The following UBR2 variants were observed in gnomAD, a reference collection of about 807,000 sequenced individuals.
UBR2 encodes E3 ubiquitin-protein ligase UBR2.
UBR2 carries 92 observed loss-of-function variants against 247.9 expected under a neutral mutation model. The observed-to-expected ratio is 0.37, with a 90% CI of 0.31 to 0.44. UBR2 has a LOEUF of 0.44. Among genes scored for constraint, UBR2 ranks in the 20% least tolerant of loss-of-function variants. UBR2 has a pLI of 1.00. For missense variants in UBR2, 1,613 were observed against 2,112.6 expected, an observed-to-expected ratio of 0.76 and a Z score of 4.64; for synonymous variants, 672 against 693.5, an observed-to-expected ratio of 0.97 and a Z score of 0.49.
At chr6:42,605,395 T>C (rs1313711198) in intron 5 of UBR2, among the ~76,000 whole-genome samples, 1 of 152,148 alleles carries the variant, frequency 6.6e-6, no homozygotes, top group African/African-American at 2.4e-5. Context: ...TGGAGGGGAA[T>C]TGCCCCCAGT....
chr6:42,671,296 A>G (rs1030499735), intron 36 of UBR2, among the ~76,000 whole-genome samples: 3 of 151,910 alleles, frequency 2.0e-5, no homozygotes, highest in Non-Finnish European at 4.4e-5. Flanking sequence ...TGTGGTCCCA[A>G]CTACTTAAGA....
At chr6:42,687,238 C>T (rs1189185503) in intron 44 of UBR2, among the ~76,000 whole-genome samples, 1 of 152,232 alleles carries the variant, frequency 6.6e-6, no homozygotes, top group South Asian at 2.1e-4. Flanking sequence ...ATCCTGGCAC[C>T]TCGGGAGGCC....
At chr6:42,641,456 A>G (rs1796441014) in intron 16 of UBR2, 126 bp from the exon 17 acceptor site, 3 of 606,856 alleles carry the variant, frequency 4.9e-6, no homozygotes. Flanking sequence ...TCAAAAAATA[A>G]TAATAATAAT....
chr6:42,635,329 A>G lies in UBR2; in HGVS notation c.1546-89A>G, dbSNP rs946041287. 3.1e-6 allele frequency: 4 copies of G among 1,301,910 alleles called. No homozygotes were observed. In the East Asian group the frequency reaches 7.6e-5, roughly 25 times the overall value. The allele number at this position is 1,301,910 out of a possible 1,614,324, so 80.6% of individuals were successfully genotyped here. ...TACCTTCTATGTTTTTATAATCAAT[A>G]TATATTTCTCCTACATTACTTCTTA... On this transcript the variant is annotated intron_variant, in intron 13 of 46. Coordinates refer to ENST00000372901, the MANE Select transcript of UBR2 (RefSeq NM_001363705.2).
Position 42,573,982 on chromosome 6 carries a change from A to C in UBR2, c.327A>C (p.Thr109=), listed in dbSNP as rs1440574045. The change falls in exon 2 of 47, where the codon ACA becomes ACC. Residue 109 remains threonine (T), a synonymous_variant. Coordinates refer to ENST00000372901, the MANE Select transcript of UBR2 (RefSeq NM_001363705.2). ...CGRVFKVGEP[T]YSCRDCAVDP... is the part of the protein sequence containing the mutation. ...GTGTTTTTAAAGTAGGAGAGCCTAC[A>C]TATTCTTGCAGGTAAAATATTTTAA... 1 of 1,588,350 alleles carries C rather than the reference A, an allele frequency of 6.3e-7. No individual in the cohort carries two copies. Among genetic ancestry groups the C allele is most frequent in the South Asian group, 1.2e-5 (1 of 86,606 alleles).
At chr6:42,640,371 C>G in intron 16 of UBR2, 101 bp downstream of exon 16, 2 of 815,444 alleles carry the variant, frequency 2.5e-6, no homozygotes, top group Non-Finnish European at 3.8e-6. Context: ...TCCAGAGGAA[C>G]AGAACCAGTA....
chr6:42,622,113 TCAAG>T (rs1442336308), intron 11 of UBR2, among the ~76,000 whole-genome samples: 6 of 152,130 alleles, frequency 3.9e-5, no homozygotes, highest in Non-Finnish European at 8.8e-5. Flanking sequence ...CCTCCCAGGT[TCAAG>T]CAATTCTCCT....
intron 42 of UBR2, 49 bp from the exon 43 acceptor site, chr6:42,683,006 T>C (rs1346399963): frequency 6.5e-7 from 1 of 1,537,130 alleles, no homozygotes; most frequent in Non-Finnish European, 8.8e-7. Flanking sequence ...ATTCTAGTTC[T>C]AACCCTTTAA....
chr6:42,576,354 C>T (rs1165843616), intron 2 of UBR2, among the ~76,000 whole-genome samples: 1 of 152,056 alleles, frequency 6.6e-6, no homozygotes, highest in African/African-American at 2.4e-5. Flanking sequence ...ATTTCCTTCT[C>T]TGACAAGAGA....
At chr6:42,639,979 G>T (rs1417987681) in intron 15 of UBR2, among the ~76,000 whole-genome samples, 7 of 152,162 alleles carry the variant, frequency 4.6e-5, no homozygotes, top group Non-Finnish European at 8.8e-5. Context: ...AGTGATCCAA[G>T]ATCGCGCCAC....
chr6:42,568,687 G>A (rs62414600), intron 1 of UBR2, among the ~76,000 whole-genome samples: 10,385 of 151,942 alleles, frequency 0.068, 490 homozygotes, highest in Middle Eastern at 0.12. Flanking sequence ...TCAAGATCGC[G>A]CCACTGCACT....
chr6:42,665,280 AT>A, intron 32 of UBR2, 128 bp from the exon 33 acceptor site: 1 of 609,736 alleles, frequency 1.6e-6, no homozygotes, highest in East Asian at 3.0e-5. Flanking sequence ...AATGCAACAA[AT>A]TTTCCCTTAT....
At chr6:42,586,538 C>CTTTTTTTTTTTTTTTTTTTTTT (rs147830824) in intron 2 of UBR2, among the ~76,000 whole-genome samples, 4 of 97,256 alleles carry the variant, frequency 4.1e-5, no homozygotes, top group Non-Finnish European at 5.8e-5. Flanking sequence ...GTTTGTCTCT[C>CTTTTTTTTTTTTTTTTTTTTTT]TTTTTTTTTT....
chr6:42,568,318 A>C (rs373827198), intron 1 of UBR2, among the ~76,000 whole-genome samples: 2 of 152,202 alleles, frequency 1.3e-5, no homozygotes, highest in East Asian at 3.8e-4. Context: ...CCTGAGGTCT[A>C]ATCAACTACT....
intron 18 of UBR2, 32 bp from the exon 19 acceptor site, chr6:42,644,182 C>T: frequency 1.3e-6 from 2 of 1,574,644 alleles, no homozygotes; most frequent in South Asian, 1.2e-5. Context: ...TTCCTCTTTT[C>T]CTTTATCTCA....
chr6:42,664,538 G>GT (rs986045635), intron 32 of UBR2, among the ~76,000 whole-genome samples: 1 of 152,178 alleles, frequency 6.6e-6, no homozygotes, highest in Non-Finnish European at 1.5e-5. Context: ...AGCAAAGTCA[G>GT]TTTTTTCTTG....
rs11305288 is a variant in UBR2, at chr6:42,574,696, CTT to C, written c.338+717_338+718del. ...CCCATATATCATTTCAGAAATTTTCCTTTTTTTTTTTTTTTCTGAGATGGAGT... is the reference window on the plus strand; with the variant it reads ...CCCATATATCATTTCAGAAATTTTCCTTTTTTTTTTTTTCTGAGATGGAGT... On this transcript the variant is annotated intron_variant, in intron 2 of 46. Transcript: ENST00000372901. Among the ~76,000 whole-genome samples, 51 of 135,948 alleles carry C rather than the reference CTT, an allele frequency of 3.8e-4. 1 individual carries two copies. The highest frequency in any genetic ancestry group is 4.4e-4 in the Non-Finnish European group (28 of 63,368). 89.2% of individuals were successfully genotyped at this position (135,948 alleles called of 152,430 possible).
chr6:42,591,081 G>A (rs867369435), intron 2 of UBR2, among the ~76,000 whole-genome samples: 34 of 152,228 alleles, frequency 2.2e-4, no homozygotes, highest in African/African-American at 5.1e-4. Flanking sequence ...GCAAAACCTC[G>A]TCTCTAGTAA....
At chr6:42,615,552 G>A (rs1794489504) in intron 9 of UBR2, among the ~76,000 whole-genome samples, 1 of 152,096 alleles carries the variant, frequency 6.6e-6, no homozygotes, top group African/African-American at 2.4e-5. Flanking sequence ...TTGGACTCAA[G>A]CAATCCTCCC....
Sources: gnomAD v4.1 joint callset for allele counts (sites outside exome capture counted in the v4.1 genomes callset) on GRCh38, gnomAD v4.1.1 for gene constraint, MANE v1.5 for transcripts, NCBI Gene and HGNC (gene_info 2026-07-23, HGNC 2026-07-21) for gene names.